The following SLC5A12 variants were observed in gnomAD, a reference collection of about 807,000 sequenced individuals.
SLC5A12 encodes the protein solute carrier family 5 member 12, also known as sodium-coupled monocarboxylate transporter 2.
A neutral mutation model predicts 72.7 loss-of-function variants in SLC5A12; 46 were observed. The observed-to-expected ratio is 0.63, with a 90% CI of 0.50 to 0.81. The LOEUF (loss-of-function observed/expected upper bound fraction) is 0.81, where lower values mean the gene tolerates loss of function less well. Ranked by LOEUF, SLC5A12 falls within the 30% of genes least tolerant of loss-of-function variation. The probability of loss-of-function intolerance (pLI) is 0.00; values close to 1 mark genes in which losing one functional copy is unlikely to be tolerated. For synonymous variants in SLC5A12, 275 were observed against 264.4 expected (o/e 1.04, Z -0.39); for missense variants, 683 against 740.7 (o/e 0.92, Z 0.90).
intron 6 of SLC5A12, among the ~76,000 whole-genome samples, chr11:26,702,193 T>A (rs1195417832): frequency 2.0e-5 from 3 of 152,124 alleles, no homozygotes; most frequent in Admixed American, 2.0e-4. Flanking sequence ...ACCACATGTG[T>A]GGAGGGTTTG....
rs1358908600 is a variant in SLC5A12 at position 26,668,989 on chromosome 11, C to A, written c.*2113G>T. 2 of 151,670 alleles carry A rather than the reference C, an allele frequency of 1.3e-5. No individual in the cohort carries two copies. Among genetic ancestry groups the A allele is most frequent in the Admixed American group, 6.6e-5 (1 of 15,154 alleles). 9.4% of individuals were successfully genotyped at this position (151,670 alleles called of 1,614,324 possible). A position where few individuals can be genotyped will look rare whatever the true frequency, so the allele number is the denominator to read the frequency against. On this transcript the variant is annotated 3_prime_UTR_variant, in exon 15 of 15. Coordinates refer to ENST00000396005, the MANE Select transcript of SLC5A12 (RefSeq NM_178498.4). ...ATGAAAAATTGTATGGTATATTTTG[C>A]TTTTATGCTATCCCAAGTGGAAGTT...
chr11:26,672,867 A>C (rs1416397347), intron 14 of SLC5A12, among the ~76,000 whole-genome samples: 1 of 152,014 alleles, frequency 6.6e-6, no homozygotes, highest in East Asian at 1.9e-4. Context: ...GTACATTCCC[A>C]CCATGACCTT....
At chr11:26,709,416 T>G in intron 3 of SLC5A12, 37 bp from the exon 4 acceptor site, 1 of 1,527,214 alleles carries the variant, frequency 6.5e-7, no homozygotes. Context: ...AGAAGTTTCC[T>G]TCAAAAAATT....
At chr11:26,675,219 C>A (rs148554696) in intron 13 of SLC5A12, among the ~76,000 whole-genome samples, 227 of 152,226 alleles carry the variant, frequency 1.5e-3, no homozygotes, top group African/African-American at 5.3e-3. Context: ...CTCTTAAGAG[C>A]AGGTCCTGAG....
intron 13 of SLC5A12, among the ~76,000 whole-genome samples, chr11:26,674,409 T>G (rs1356132927): frequency 2.6e-5 from 4 of 152,026 alleles, no homozygotes; most frequent in African/African-American, 9.7e-5. Context: ...ATTTGTTTGT[T>G]TTTTGTATGA....
intron 13 of SLC5A12, among the ~76,000 whole-genome samples, chr11:26,674,399 A>T (rs72883265): frequency 6.6e-6 from 1 of 151,922 alleles, no homozygotes; most frequent in Non-Finnish European, 1.5e-5. Context: ...AAAAATGTAG[A>T]TTTGTTTGTT....
chr11:26,716,902 C>A (rs1855363482), intron 1 of SLC5A12, among the ~76,000 whole-genome samples: 2 of 152,084 alleles, frequency 1.3e-5, no homozygotes, highest in South Asian at 4.2e-4. Context: ...TCTTAACATA[C>A]AAATCCCATC....
At chr11:26,703,211 G>A (rs1855000041) in intron 6 of SLC5A12, among the ~76,000 whole-genome samples, 1 of 152,112 alleles carries the variant, frequency 6.6e-6, no homozygotes, top group African/African-American at 2.4e-5. Flanking sequence ...AGAAATGTGA[G>A]CTATTTACCT....
At chr11:26,673,560 G>T in intron 13 of SLC5A12, 31 bp from the exon 14 acceptor site, 1 of 1,554,432 alleles carries the variant, frequency 6.4e-7, no homozygotes, top group Non-Finnish European at 8.7e-7. Flanking sequence ...AGATTAGATG[G>T]TTGCAGGCCT....
intron 13 of SLC5A12, among the ~76,000 whole-genome samples, chr11:26,677,876 T>G (rs932578994): frequency 2.6e-5 from 4 of 152,116 alleles, no homozygotes; most frequent in Non-Finnish European, 5.9e-5. Flanking sequence ...TACCTTAAAA[T>G]TTTTTAGCTA....
intron 1 of SLC5A12, among the ~76,000 whole-genome samples, chr11:26,717,778 T>C (rs1855385831): frequency 6.6e-6 from 1 of 152,204 alleles, no homozygotes; most frequent in Non-Finnish European, 1.5e-5. Context: ...GGAAGATCAA[T>C]GGAGAGAGGT....
rs1245881118 is a variant in SLC5A12, at chr11:26,703,523, G to C, written c.821+8C>G. 6.2e-7 allele frequency: 1 copy of C among 1,612,654 alleles called. No homozygotes were observed. Among genetic ancestry groups the C allele is most frequent in the Non-Finnish European group, 8.5e-7 (1 of 1,179,792 alleles). ...AAACATTAAAATTTTTCTTGACTGA[G>C]AACTTACAGCTTAGCATGCTTTTCT... On this transcript the variant is annotated splice_region_variant and intron_variant, in intron 6 of 14. Transcript: ENST00000396005.
intron 4 of SLC5A12, among the ~76,000 whole-genome samples, chr11:26,704,913 C>A (rs1481633111): frequency 6.6e-6 from 1 of 151,944 alleles, no homozygotes; most frequent in African/African-American, 2.4e-5. Flanking sequence ...ATATTCCAGA[C>A]ATTCATAGAG....
At position 26,669,660 on chromosome 11, in the gene SLC5A12, CTG is replaced by C. The variant is rs1212498731; in HGVS notation, c.*1440_*1441del. On this transcript the variant is annotated 3_prime_UTR_variant, in exon 15 of 15. Coordinates refer to ENST00000396005, the MANE Select transcript of SLC5A12 (RefSeq NM_178498.4). ...TGTTTTAATTCCTCCACTGATTTGT[CTG>C]TCTTTCTATCTTTTCTAATAATAAA... 2.0e-5 allele frequency: 3 copies of C among 151,896 alleles called. No individual in the cohort carries two copies. Among genetic ancestry groups the C allele is most frequent in the Non-Finnish European group, 4.4e-5 (3 of 67,962 alleles). 9.4% of individuals were successfully genotyped at this position (151,896 alleles called of 1,614,324 possible). A position where few individuals can be genotyped will look rare whatever the true frequency, so the allele number is the denominator to read the frequency against.
chr11:26,715,752 T>G (rs1022788183), intron 1 of SLC5A12, among the ~76,000 whole-genome samples: 1 of 152,154 alleles, frequency 6.6e-6, no homozygotes, highest in Admixed American at 6.6e-5. Flanking sequence ...TTCTATCACA[T>G]GAAGAACTCA....
rs761649090 is a variant in SLC5A12 at position 26,683,787 on chromosome 11, C to T, written c.1278G>A (p.Leu426=). Residue 426 remains leucine (L), a synonymous_variant, in exon 11 of 15, where the codon CTG becomes CTA. Transcript: ENST00000396005. The stretch of plus-strand genomic sequence containing the variant: ...AATTCACAAAAGGGAACACGATTCC[C>T]AGGGAGAATAAGCCCAGCATTGGTC... ...CGGPMLGLFS[L]GIVFPFVNWK... is the part of the protein sequence containing the mutation. 1.3e-6 allele frequency: 2 copies of T among 1,596,830 alleles called. No individual in the cohort carries two copies. Among genetic ancestry groups the T allele is most frequent in the Non-Finnish European group, 8.5e-7 (1 of 1,171,880 alleles).
At chr11:26,701,969 A>T (rs559115381) in intron 6 of SLC5A12, among the ~76,000 whole-genome samples, 1 of 152,364 alleles carries the variant, frequency 6.6e-6, no homozygotes, top group African/African-American at 2.4e-5. Context: ...GTATTAACAT[A>T]GAGAAATTAG....
chr11:26,692,909 CTG>C (rs137889726), intron 8 of SLC5A12, among the ~76,000 whole-genome samples: 10,270 of 152,208 alleles, frequency 0.067, 463 homozygotes, highest in Admixed American at 0.13. Flanking sequence ...CAGAGGAAAT[CTG>C]TGTGTGTGTC....
intron 8 of SLC5A12, among the ~76,000 whole-genome samples, chr11:26,693,113 AC>A (rs925481925): frequency 5.3e-5 from 8 of 152,240 alleles, no homozygotes; most frequent in Non-Finnish European, 8.8e-5. Context: ...CAAACATTTA[AC>A]AACCAATTAT....
Sources: gnomAD v4.1 joint callset for allele counts (sites outside exome capture counted in the v4.1 genomes callset) on GRCh38, gnomAD v4.1.1 for gene constraint, MANE v1.5 for transcripts, NCBI Gene and HGNC (gene_info 2026-07-23, HGNC 2026-07-21) for gene names.